URI1: variants seen among roughly 807,000 people sequenced by gnomAD.
URI1 encodes the protein URI1 prefoldin like chaperone.
In URI1, 39 loss-of-function variants were observed where a neutral mutation model predicts 60.2. The observed-to-expected ratio is 0.65, with a 90% CI of 0.50 to 0.85. The LOEUF is 0.85. Among genes scored for constraint, URI1 ranks in the 40% least tolerant of loss-of-function variants. The pLI, the probability that URI1 is intolerant of heterozygous loss-of-function variation, is 0.00. For missense variants in URI1, 691 were observed against 665.9 expected, an observed-to-expected ratio of 1.04 and a Z score of -0.42; for synonymous variants, 251 against 236.8, an observed-to-expected ratio of 1.06 and a Z score of -0.55.
At chr19:29,962,116 A>T (rs1559082) in intron 1 of URI1, among the ~76,000 whole-genome samples, 1 of 152,058 alleles carries the variant, frequency 6.6e-6, no homozygotes, top group Admixed American at 6.5e-5. Flanking sequence ...GGACAAATTC[A>T]CAAGGGTTCC....
upstream of URI1, among the ~76,000 whole-genome samples, chr19:29,941,222 G>A (rs1439060944): frequency 2.0e-5 from 3 of 152,128 alleles, no homozygotes; most frequent in African/African-American, 7.2e-5. Context: ...TACTGCTAGC[G>A]ACTGCAGCAG....
intron 1 of URI1, among the ~76,000 whole-genome samples, chr19:29,957,711 C>G (rs1037159498): frequency 6.6e-6 from 1 of 152,022 alleles, no homozygotes; most frequent in Non-Finnish European, 1.5e-5. Context: ...ATCTAAAGAT[C>G]GGTTTGAGGA....
chr19:29,956,533 A>G, intron 1 of URI1: 7 of 1,548,120 alleles, frequency 4.5e-6, no homozygotes, highest in Non-Finnish European at 5.3e-6. Context: ...ATTTGAAACA[A>G]GCTCAGTGTC....
intron 1 of URI1, chr19:29,923,800 G>A (rs1421901809): frequency 6.6e-7 from 1 of 1,517,228 alleles, no homozygotes. Context: ...CTGTTAGTGT[G>A]AGGTTTGAGG....
At chr19:29,951,417 C>A (rs1482467585) in intron 1 of URI1, among the ~76,000 whole-genome samples, 1 of 152,134 alleles carries the variant, frequency 6.6e-6, no homozygotes, top group Non-Finnish European at 1.5e-5. Context: ...AGCACCCCCC[C>A]CTTTAGTTTC....
At position 30,009,279 on chromosome 19, in the gene URI1, G is replaced by A. The variant is rs983016660; in HGVS notation, c.961G>A (p.Asp321Asn). 1.9e-6 allele frequency: 3 copies of A among 1,613,884 alleles called. No individual in the cohort carries two copies. Among genetic ancestry groups the A allele is most frequent in the Non-Finnish European group, 2.5e-6 (3 of 1,179,978 alleles). Residue 321 changes from aspartate to asparagine, a missense_variant, in exon 8 of 11, where the codon GAC becomes AAC. By Grantham distance (23) the Asp-to-Asn change is conservative. Coordinates refer to ENST00000392271, the MANE Select transcript of URI1 (RefSeq NM_003796.3). Reference sequence around the variant, plus strand: ...CATTGACGACGATGATGGTGATAACGACCATGAGGCTTTAGGGGTTGGAGA... The same window carrying A: ...CATTGACGACGATGATGGTGATAACAACCATGAGGCTTTAGGGGTTGGAGA... The part of the protein sequence containing the change: ...DNIDDDDGDN[D>N]HEALGVGDNS...
At chr19:29,941,667 T>C (rs2145217992), upstream of URI1, among the ~76,000 whole-genome samples, 1 of 151,942 alleles carries the variant, frequency 6.6e-6, no homozygotes, top group African/African-American at 2.4e-5. Flanking sequence ...AAGTTATCCT[T>C]GGAAAATTTC....
intron 2 of URI1, among the ~76,000 whole-genome samples, chr19:29,980,622 A>AAC (rs1838834472): frequency 1.4e-5 from 2 of 145,056 alleles, no homozygotes; most frequent in African/African-American, 2.5e-5. Context: ...TAAAAAAAAA[A>AAC]AAAAAAAAAA....
chr19:29,961,728 C>T (rs1422059750), intron 1 of URI1, among the ~76,000 whole-genome samples: 1 of 148,988 alleles, frequency 6.7e-6, no homozygotes, highest in Non-Finnish European at 1.5e-5. Context: ...TCTTGTTGCC[C>T]AGGCTGGAGT....
chr19:29,975,810 A>G (rs2055515164), intron 2 of URI1, among the ~76,000 whole-genome samples: 1 of 152,142 alleles, frequency 6.6e-6, no homozygotes, highest in Admixed American at 6.5e-5. Flanking sequence ...CCGGCCCCTC[A>G]GTTCTGTTTT....
At chr19:29,928,610 T>C (rs2054890489) in intron 1 of URI1, among the ~76,000 whole-genome samples, 1 of 152,008 alleles carries the variant, frequency 6.6e-6, no homozygotes, top group South Asian at 2.1e-4. Flanking sequence ...AGAATGGATG[T>C]GGAGGGGAAG....
intron 1 of URI1, among the ~76,000 whole-genome samples, chr19:29,955,949 T>G (rs2055241184): frequency 6.6e-6 from 1 of 152,090 alleles, no homozygotes; most frequent in African/African-American, 2.4e-5. Context: ...TAGTTCCACT[T>G]TGTTCCTCTT....
Position 29,955,987 on chromosome 19 carries a change from T to TA in URI1, c.117+13323_117+13324insA, listed in dbSNP as rs1489446570. On this transcript the variant is annotated intron_variant, in intron 1 of 10. Coordinates refer to ENST00000392271, the MANE Select transcript of URI1 (RefSeq NM_003796.3). ...GTCTATTTCCCAGAGTAGTCTTTTT[T>TA]TTTTTTTATTTTTTGAGATGGAGTT... is the stretch of plus-strand genomic sequence containing the variant. 1.3e-4 allele frequency among the ~76,000 whole-genome samples: 19 copies of TA among 151,984 alleles called. No individual in the cohort carries two copies. In the East Asian group the frequency reaches 3.5e-3, roughly 28 times the overall value.
At chr19:29,945,668 A>G (rs1033558690) in intron 1 of URI1, among the ~76,000 whole-genome samples, 3 of 151,952 alleles carry the variant, frequency 2.0e-5, no homozygotes, top group Admixed American at 1.3e-4. Flanking sequence ...GAGAAAAACT[A>G]AAAGTCTGAC....
chr19:29,971,397 C>T (rs2055458223), intron 2 of URI1, among the ~76,000 whole-genome samples, 170 bp downstream of exon 2: 1 of 151,886 alleles, frequency 6.6e-6, no homozygotes, highest in Non-Finnish European at 1.5e-5. Context: ...TTGTCTTTGA[C>T]CCTTTTCTGA....
chr19:29,940,609 A>C (rs1230775287), upstream of URI1, among the ~76,000 whole-genome samples: 3 of 151,954 alleles, frequency 2.0e-5, no homozygotes, highest in Non-Finnish European at 4.4e-5. Context: ...AGATGGCACC[A>C]TTGCACTCCA....
intron 1 of URI1, among the ~76,000 whole-genome samples, chr19:29,947,706 C>T (rs1232399492): frequency 6.6e-6 from 1 of 152,162 alleles, no homozygotes; most frequent in Non-Finnish European, 1.5e-5. Flanking sequence ...ACTGCCTTTC[C>T]AATTATATAT....
rs568157869 is a variant in URI1 at position 29,926,595 on chromosome 19, G to T, written c.63+2841G>T. On this transcript the variant is annotated intron_variant, in intron 1 of 10. Coordinates refer to the URI1 transcript ENST00000360605. ...CCTCACCCAGCCTTAGAAATGTTCTGTTTCTTGACCTGAGAGCTGGATATA... is the reference window on the plus strand; with the variant it reads ...CCTCACCCAGCCTTAGAAATGTTCTTTTTCTTGACCTGAGAGCTGGATATA... 5.3e-5 allele frequency among the ~76,000 whole-genome samples: 8 copies of T among 152,292 alleles called. No individual in the cohort carries two copies. The East Asian group carries it at 1.4e-3, about 26-fold the overall frequency.
rs766190240 is a variant in URI1 at position 29,951,552 on chromosome 19, C to CT, written c.117+8903dup. 3.6e-3 allele frequency among the ~76,000 whole-genome samples: 505 copies of CT among 139,944 alleles called. 5 individuals carry two copies. The highest frequency in any genetic ancestry group is 0.011 in the Middle Eastern group (3 of 264). 91.8% of individuals were successfully genotyped at this position (139,944 alleles called of 152,430 possible). On this transcript the variant is annotated intron_variant, in intron 1 of 10. Transcript: ENST00000392271. Reference sequence around the variant, plus strand: ...CTTCAAGCTGGCTCAAGCATGCATTCTTTTTTTTTTTTTTTGAGACAGAGT... The same window carrying CT: ...CTTCAAGCTGGCTCAAGCATGCATTCTTTTTTTTTTTTTTTTGAGACAGAGT...
Sources: allele counts gnomAD v4.1 joint callset (sites outside exome capture counted in the v4.1 genomes callset), GRCh38; gene constraint gnomAD v4.1.1; transcripts MANE v1.5; gene names NCBI Gene and HGNC (gene_info 2026-07-23, HGNC 2026-07-21).